The following GAB2 variants were observed in gnomAD, a reference collection of about 807,000 sequenced individuals.
GAB2 encodes the protein GRB2 associated binding protein 2.
In GAB2, 26 loss-of-function variants were observed where a neutral mutation model predicts 65.5. The ratio of observed to expected loss-of-function variants is 0.40; its 90% confidence interval spans 0.29 to 0.55. The LOEUF (loss-of-function observed/expected upper bound fraction) is 0.55, where lower values mean the gene tolerates loss of function less well. Ranked by LOEUF, GAB2 falls within the 20% of genes least tolerant of loss-of-function variation. The pLI, the probability that GAB2 is intolerant of heterozygous loss-of-function variation, is 0.53. For synonymous variants in GAB2, 321 were observed against 329.6 expected (o/e 0.97, Z 0.28); for missense variants, 884 against 875.8 (o/e 1.01, Z -0.12).
chr11:78,283,726 T>C lies in GAB2; in HGVS notation c.76-2825A>G, dbSNP rs564003457. 9.9e-5 allele frequency among the ~76,000 whole-genome samples: 15 copies of C among 152,226 alleles called. No individual in the cohort carries two copies. In the South Asian group the frequency reaches 3.1e-3, roughly 32 times the overall value. On this transcript the variant is annotated intron_variant, in intron 1 of 9. Transcript: ENST00000361507. Reference sequence around the variant, plus strand: ...CCAACATCTGACAACAGTTTATTATTCCATCCTCTTTGAAACACTTTCTTC... The same window carrying C: ...CCAACATCTGACAACAGTTTATTATCCCATCCTCTTTGAAACACTTTCTTC...
chr11:78,391,459 G>C (rs1176740509), intron 1 of GAB2, among the ~76,000 whole-genome samples: 1 of 152,130 alleles, frequency 6.6e-6, no homozygotes, highest in Non-Finnish European at 1.5e-5. Context: ...TGACTTCTAA[G>C]GCTAGGTCAC....
intron 1 of GAB2, among the ~76,000 whole-genome samples, chr11:78,362,404 T>C (rs1202974647): frequency 6.6e-6 from 1 of 152,064 alleles, no homozygotes; most frequent in African/African-American, 2.4e-5. Context: ...TCTAATGAAG[T>C]AGTTAGAGTG....
chr11:78,273,875 G>A (rs1866087035), intron 2 of GAB2, among the ~76,000 whole-genome samples: 1 of 152,144 alleles, frequency 6.6e-6, no homozygotes. Flanking sequence ...TTAAAAAGAG[G>A]AGTTCCCCTG....
chr11:78,398,784 G>A (rs768787861), intron 1 of GAB2, among the ~76,000 whole-genome samples: 1 of 152,176 alleles, frequency 6.6e-6, no homozygotes, highest in Non-Finnish European at 1.5e-5. Flanking sequence ...GGACTCTGAG[G>A]AAATGGCTAG....
chr11:78,406,120 A>C (rs1055840406), intron 1 of GAB2, among the ~76,000 whole-genome samples: 8 of 152,206 alleles, frequency 5.3e-5, no homozygotes, highest in African/African-American at 1.9e-4. Context: ...ACTGGTAATA[A>C]GGCACCCATC....
intron 2 of GAB2, among the ~76,000 whole-genome samples, chr11:78,253,416 G>A (rs1053627719): frequency 2.0e-5 from 3 of 151,960 alleles, no homozygotes; most frequent in Non-Finnish European, 2.9e-5. Flanking sequence ...CTTAGCCTCC[G>A]GAATAGCCAG....
chr11:78,328,910 C>T (rs1855869417), intron 1 of GAB2, among the ~76,000 whole-genome samples: 1 of 152,132 alleles, frequency 6.6e-6, no homozygotes, highest in Non-Finnish European at 1.5e-5. Flanking sequence ...TGACATTTCA[C>T]TCCATGTACA....
At chr11:78,238,557 A>G (rs1181468218) in intron 3 of GAB2, among the ~76,000 whole-genome samples, 5 of 151,838 alleles carry the variant, frequency 3.3e-5, no homozygotes, top group African/African-American at 9.7e-5. Flanking sequence ...AAAGCAACAC[A>G]TAGAACTGGA....
At chr11:78,349,023 C>A (rs887765899) in intron 1 of GAB2, among the ~76,000 whole-genome samples, 5 of 152,062 alleles carry the variant, frequency 3.3e-5, no homozygotes, top group African/African-American at 1.2e-4. Context: ...GGGCTAAGGG[C>A]AAAGGAAGGG....
At position 78,276,810 on chromosome 11, in the gene GAB2, TTTTATTTA is replaced by T. The variant is rs145409881; in HGVS notation, c.376+3783_376+3790del. Among the ~76,000 whole-genome samples, 695 of 151,842 alleles carry T rather than the reference TTTTATTTA, an allele frequency of 4.6e-3. 3 individuals carry two copies. The highest frequency in any genetic ancestry group is 0.016 in the African/African-American group (670 of 41,382). ...CTTTTAAATATGTGATTTTTATTTA[TTTTATTTA>T]TTTATTTATTTATTTTTGAGACGAA... On this transcript the variant is annotated intron_variant, in intron 2 of 9. Transcript: ENST00000361507.
chr11:78,223,195 A>G (rs1015327198), intron 6 of GAB2, among the ~76,000 whole-genome samples: 11 of 152,172 alleles, frequency 7.2e-5, no homozygotes, highest in Admixed American at 2.0e-4. Flanking sequence ...AACGCCTGCT[A>G]TGTACCAAAG....
At chr11:78,282,746 C>A (rs988302881) in intron 1 of GAB2, among the ~76,000 whole-genome samples, 6 of 152,044 alleles carry the variant, frequency 3.9e-5, no homozygotes, top group Non-Finnish European at 5.9e-5. Flanking sequence ...TTGTATACAC[C>A]CTGAAGCACT....
chr11:78,257,678 A>G (rs1342194780), intron 2 of GAB2, among the ~76,000 whole-genome samples: 4 of 152,314 alleles, frequency 2.6e-5, no homozygotes, highest in African/African-American at 7.2e-5. Flanking sequence ...GGTCACAATT[A>G]TATGCCGTAC....
At chr11:78,329,523 T>C (rs1008049009) in intron 1 of GAB2, among the ~76,000 whole-genome samples, 1 of 152,160 alleles carries the variant, frequency 6.6e-6, no homozygotes, top group Non-Finnish European at 1.5e-5. Context: ...TTGATGTGTT[T>C]TTGATGTGTT....
In GAB2 at chr11:78,250,398, A is replaced by G. The variant is rs1042852928; in HGVS notation, c.379T>C (p.Ser127Pro). The G allele has an allele frequency of 1.9e-6, 3 of 1,612,606 alleles. No homozygotes were observed. Among genetic ancestry groups the G allele is most frequent in the Non-Finnish European group, 2.5e-6 (3 of 1,178,874 alleles). ...GFNQAEESTD[S>P]LRNVSSAGHG... ...CCGGCTGAGGAAACATTTCTCAGGG[A>G]GTCTGAAAAGGAGAAATAGCTCTGT... Residue 127 changes from serine to proline, a missense_variant and splice_region_variant, in exon 3 of 10, where the codon TCC becomes CCC. Physicochemically the swap from Ser to Pro is moderately conservative, Grantham distance 74. Transcript: ENST00000361507.
At chr11:78,263,803 T>C (rs75785196) in intron 2 of GAB2, among the ~76,000 whole-genome samples, 1 of 152,238 alleles carries the variant, frequency 6.6e-6, no homozygotes, top group East Asian at 1.9e-4. Context: ...ATTAATACTT[T>C]ACTGACAGAA....
At chr11:78,309,971 T>TGTGTGTGTGTGTGTGTGTGTGTGCACGC (rs1421836447) in intron 1 of GAB2, among the ~76,000 whole-genome samples, 30 of 120,178 alleles carry the variant, frequency 2.5e-4, no homozygotes, top group African/African-American at 1.0e-3. Context: ...TGTGTGTGTG[T>TGTGTGTGTGTGTGTGTGTGTGTGCACGC]GCGCGCGCGC....
chr11:78,309,066 G>C (rs1221708413), intron 1 of GAB2, among the ~76,000 whole-genome samples: 1 of 152,160 alleles, frequency 6.6e-6, no homozygotes, highest in South Asian at 2.1e-4. Context: ...AGAAAAAAAG[G>C]TATTTGAGAA....
intron 1 of GAB2, among the ~76,000 whole-genome samples, chr11:78,330,039 G>C (rs943978577): frequency 1.3e-5 from 2 of 152,182 alleles, no homozygotes; most frequent in African/African-American, 4.8e-5. Flanking sequence ...ACGTTTGATT[G>C]TTTTATGCGG....
Sources: gnomAD v4.1 joint callset for allele counts (sites outside exome capture counted in the v4.1 genomes callset) on GRCh38, gnomAD v4.1.1 for gene constraint, MANE v1.5 for transcripts, NCBI Gene and HGNC (gene_info 2026-07-23, HGNC 2026-07-21) for gene names.